WDR1: variants seen among roughly 807,000 people sequenced by gnomAD.
The protein encoded by WDR1 is WD repeat domain 1.
WDR1 carries 21 observed loss-of-function variants against 71.9 expected under a neutral mutation model. That is an observed-to-expected ratio of 0.29 (90% CI 0.21 to 0.42). The LOEUF (loss-of-function observed/expected upper bound fraction) is 0.42, where lower values mean the gene tolerates loss of function less well. Ranked by LOEUF, WDR1 falls within the 10% of genes least tolerant of loss-of-function variation. The pLI is 1.00. For missense variants in WDR1, 696 were observed against 824.5 expected (o/e 0.84, Z 1.91); for synonymous variants, 424 against 347.4 (o/e 1.22, Z -2.45).
At chr4:10,075,835 G>C (rs1235624793) in intron 14 of WDR1, 3 of 355,388 alleles carry the variant, frequency 8.4e-6, no homozygotes, top group Non-Finnish European at 1.6e-5. Flanking sequence ...ATGACATGCA[G>C]ACACCACACA....
At chr4:10,106,776 A>C (rs759524963) in intron 2 of WDR1, among the ~76,000 whole-genome samples, 6 of 151,876 alleles carry the variant, frequency 4.0e-5, no homozygotes, top group Non-Finnish European at 7.4e-5. Context: ...GGGCTGAGAT[A>C]CTCCAAACTG....
At position 10,115,173 on chromosome 4, in the gene WDR1, C is replaced by T. The variant is rs936910137; in HGVS notation, c.138+940G>A. Among the ~76,000 whole-genome samples, 28 of 152,184 alleles carry T rather than the reference C, an allele frequency of 1.8e-4. 1 individual carries two copies. Among genetic ancestry groups the T allele is most frequent in the Admixed American group, 1.6e-3 (25 of 15,278 alleles). ...CTAAGCACAGCACAGGAGAAATCAC[C>T]CAATGGCCGGGCCGGCACCTCCAAC... On this transcript the variant is annotated intron_variant, in intron 2 of 14. Coordinates refer to ENST00000499869, the MANE Select transcript of WDR1 (RefSeq NM_017491.5).
intron 11 of WDR1, 140 bp from the exon 12 acceptor site, chr4:10,079,141 G>T (rs879812859): frequency 4.9e-6 from 3 of 618,204 alleles, no homozygotes; most frequent in Non-Finnish European, 2.8e-6. Context: ...GGCCACCTGG[G>T]GCTCTGAGCC....
chr4:10,084,877 G>A (rs1055480584), intron 8 of WDR1, among the ~76,000 whole-genome samples: 10 of 152,200 alleles, frequency 6.6e-5, no homozygotes, highest in African/African-American at 1.9e-4. Flanking sequence ...GCACCCCGCC[G>A]ACCAGCACCC....
chr4:10,087,629 G>A (rs1471279033), intron 8 of WDR1, 78 bp downstream of exon 8: 43 of 1,393,580 alleles, frequency 3.1e-5, no homozygotes, highest in Non-Finnish European at 4.0e-5. Flanking sequence ...CTTCCCCTCG[G>A]TTCCCCTTCC....
At chr4:10,100,815 C>CGG (rs1712638380) in intron 3 of WDR1, among the ~76,000 whole-genome samples, 1 of 152,190 alleles carries the variant, frequency 6.6e-6, no homozygotes, top group Non-Finnish European at 1.5e-5. Flanking sequence ...CTGGCAGCAT[C>CGG]GGAGGGGAGC....
intron 13 of WDR1, 143 bp from the exon 14 acceptor site, chr4:10,077,591 A>C (rs574543917): frequency 7.7e-5 from 114 of 1,487,006 alleles, no homozygotes; most frequent in Admixed American, 3.5e-4. Context: ...CTGCAAACCC[A>C]CTGACTCCTC....
intron 14 of WDR1, chr4:10,077,064 A>T: frequency 1.9e-6 from 1 of 515,290 alleles, no homozygotes; most frequent in Non-Finnish European, 3.4e-6. Context: ...GTCAAAAGTG[A>T]GGCCTTCACT....
chr4:10,093,094 C>G, intron 5 of WDR1: 1 of 1,289,472 alleles, frequency 7.8e-7, no homozygotes, highest in Non-Finnish European at 1.0e-6. Flanking sequence ...AGTACCACAC[C>G]CATGTCAACA....
At chr4:10,096,121 A>G (rs735527) in intron 5 of WDR1, 25,458 of 152,266 alleles carry the variant, frequency 0.17, 2,600 homozygotes, top group Middle Eastern at 0.24. Context: ...GCTCCAGCCC[A>G]CCCCTGGAAC....
At chr4:10,107,503 C>A (rs1713093131) in intron 2 of WDR1, among the ~76,000 whole-genome samples, 1 of 152,242 alleles carries the variant, frequency 6.6e-6, no homozygotes, top group South Asian at 2.1e-4. Context: ...CCACTCGTCG[C>A]TACCCTGCTG....
At position 10,082,071 on chromosome 4, in the gene WDR1, C is replaced by T. The variant is rs114738919; in HGVS notation, c.1197-627G>A. ...GGGCCTTGCCTTGGGTTATCTGGCC[C>T]AGGGAAGACCCTTTTATGGGACGTG... On this transcript the variant is annotated intron_variant, in intron 10 of 14. Coordinates refer to ENST00000499869, the MANE Select transcript of WDR1 (RefSeq NM_017491.5). Among the ~76,000 whole-genome samples the T allele has an allele frequency of 3.2e-3, 486 of 152,314 alleles. 2 individuals are homozygous for T. The highest frequency in any genetic ancestry group is 0.011 in the African/African-American group (439 of 41,570).
At chr4:10,104,542 T>A (rs1291643724) in intron 2 of WDR1, among the ~76,000 whole-genome samples, 1 of 152,232 alleles carries the variant, frequency 6.6e-6, no homozygotes, top group African/African-American at 2.4e-5. Context: ...CTCCCTTGCA[T>A]AGCACAGATC....
chr4:10,104,313 G>T (rs182737547), intron 2 of WDR1, among the ~76,000 whole-genome samples: 119 of 152,284 alleles, frequency 7.8e-4, no homozygotes, highest in African/African-American at 2.5e-3. Flanking sequence ...AGGTGGATTA[G>T]AGCAAGAAGC....
intron 2 of WDR1, chr4:10,108,299 C>T (rs1416273157): frequency 6.6e-6 from 1 of 152,182 alleles, no homozygotes; most frequent in Non-Finnish European, 1.5e-5. Context: ...CTGTGATGAC[C>T]CTGGGTCCTG....
intron 9 of WDR1, 57 bp from the exon 10 acceptor site, chr4:10,083,235 T>C (rs1201921919): frequency 4.5e-6 from 7 of 1,569,408 alleles, no homozygotes; most frequent in South Asian, 2.3e-5. Context: ...TTCTCAGGTG[T>C]GGCTTCAGTC....
chr4:10,075,822 G>T, intron 14 of WDR1: 1 of 383,504 alleles, frequency 2.6e-6, no homozygotes, highest in Non-Finnish European at 4.9e-6. Context: ...ATGTATAAAA[G>T]CGATGACATG....
chr4:10,087,444 C>G (rs1371693448), intron 8 of WDR1, among the ~76,000 whole-genome samples: 2 of 152,258 alleles, frequency 1.3e-5, no homozygotes, highest in African/African-American at 4.8e-5. Flanking sequence ...ATGGCCACTG[C>G]CCCGAATCAC....
chr4:10,095,324 GT>G (rs1712269553), intron 5 of WDR1, among the ~76,000 whole-genome samples: 1 of 152,236 alleles, frequency 6.6e-6, no homozygotes, highest in East Asian at 1.9e-4. Flanking sequence ...CCCACATATG[GT>G]TTTAAAATCT....
Sources: allele counts gnomAD v4.1 joint callset (sites outside exome capture counted in the v4.1 genomes callset), GRCh38; gene constraint gnomAD v4.1.1; transcripts MANE v1.5; gene names NCBI Gene and HGNC (gene_info 2026-07-23, HGNC 2026-07-21).